GALNT1: variants seen among roughly 807,000 people sequenced by gnomAD.
GALNT1 encodes GalNAc transferase 1.
GALNT1 carries 17 observed loss-of-function variants against 65.7 expected under a neutral mutation model. That is an observed-to-expected ratio of 0.26 (90% CI 0.18 to 0.39). The LOEUF (loss-of-function observed/expected upper bound fraction) is 0.39. Among genes scored for constraint, GALNT1 ranks in the 10% least tolerant of loss-of-function variants. The pLI, the probability that GALNT1 is intolerant of heterozygous loss-of-function variation, is 1.00. For missense variants in GALNT1, 460 were observed against 672.8 expected, an observed-to-expected ratio of 0.68 and a Z score of 3.50; for synonymous variants, 210 against 219.7, an observed-to-expected ratio of 0.96 and a Z score of 0.39.
chr18:35,581,614 CG>C (rs1439860962), upstream of GALNT1: 34 of 55,878 alleles, frequency 6.1e-4, 1 homozygote, highest in African/African-American at 2.2e-3. Context: ...CCCGGAGTAG[CG>C]CCGCCCGAGC....
At chr18:35,607,631 A>T (rs1182060622) in intron 1 of GALNT1, among the ~76,000 whole-genome samples, 1 of 152,116 alleles carries the variant, frequency 6.6e-6, no homozygotes, top group Admixed American at 6.5e-5. Context: ...CTGGGATCTT[A>T]GTTGTTCTAA....
intron 1 of GALNT1, among the ~76,000 whole-genome samples, chr18:35,621,825 A>G (rs1043491580): frequency 6.6e-6 from 1 of 152,172 alleles, no homozygotes; most frequent in African/African-American, 2.4e-5. Context: ...ATGAACATTT[A>G]TTGAATAGCC....
intron 1 of GALNT1, among the ~76,000 whole-genome samples, chr18:35,588,451 T>C (rs1421005265): frequency 6.6e-6 from 1 of 152,224 alleles, no homozygotes; most frequent in Non-Finnish European, 1.5e-5. Context: ...TTCACTCAGA[T>C]TCCTAAATCT....
chr18:35,582,244 GAC>G (rs1392803594), intron 1 of GALNT1, among the ~76,000 whole-genome samples: 1 of 152,190 alleles, frequency 6.6e-6, no homozygotes, highest in African/African-American at 2.4e-5. Flanking sequence ...GGGAGGGGAA[GAC>G]ACGCCGGCAG....
chr18:35,655,556 T>C (rs1568025274), intron 2 of GALNT1, among the ~76,000 whole-genome samples: 1 of 151,568 alleles, frequency 6.6e-6, no homozygotes, highest in Non-Finnish European at 1.5e-5. Context: ...CAAGAGTCAG[T>C]AATCCAGTTG....
intron 1 of GALNT1, among the ~76,000 whole-genome samples, chr18:35,633,297 A>G (rs2047042934): frequency 1.3e-5 from 2 of 152,328 alleles, no homozygotes; most frequent in South Asian, 4.1e-4. Context: ...ACCAACCCAC[A>G]TGTCCAACAA....
At chr18:35,616,036 T>A (rs1321606075) in intron 1 of GALNT1, among the ~76,000 whole-genome samples, 1 of 152,190 alleles carries the variant, frequency 6.6e-6, no homozygotes, top group African/African-American at 2.4e-5. Flanking sequence ...CCCATAAAAT[T>A]TTATTTACAA....
intron 1 of GALNT1, among the ~76,000 whole-genome samples, chr18:35,627,855 G>C (rs921655498): frequency 6.6e-6 from 1 of 152,106 alleles, no homozygotes; most frequent in Non-Finnish European, 1.5e-5. Flanking sequence ...CTGGAACATC[G>C]GGTCACTCCC....
chr18:35,686,543 G>A (rs2144628070), intron 5 of GALNT1, among the ~76,000 whole-genome samples: 1 of 152,230 alleles, frequency 6.6e-6, no homozygotes, highest in South Asian at 2.1e-4. Flanking sequence ...CTAGAAACCA[G>A]CTCATTTTTG....
intron 1 of GALNT1, among the ~76,000 whole-genome samples, chr18:35,627,063 T>TG (rs1445714064): frequency 3.3e-5 from 5 of 152,140 alleles, no homozygotes; most frequent in Admixed American, 6.5e-5. Flanking sequence ...CAATGAAAAA[T>TG]GTCAAGGTTG....
At chr18:35,635,645 A>T (rs571396109) in intron 1 of GALNT1, among the ~76,000 whole-genome samples, 1 of 152,314 alleles carries the variant, frequency 6.6e-6, no homozygotes, top group South Asian at 2.1e-4. Context: ...AATGCTAGAT[A>T]TACTCTTTAG....
intron 3 of GALNT1, among the ~76,000 whole-genome samples, chr18:35,675,577 T>A: frequency 6.6e-6 from 1 of 152,250 alleles, no homozygotes; most frequent in Non-Finnish European, 1.5e-5. Flanking sequence ...ACTTCTCTTC[T>A]GCAGAACCTG....
intron 3 of GALNT1, among the ~76,000 whole-genome samples, chr18:35,672,872 A>G (rs1444408229): frequency 1.3e-5 from 2 of 152,118 alleles, no homozygotes; most frequent in Admixed American, 6.5e-5. Flanking sequence ...GTCATATTCA[A>G]ACAGTTGGGC....
intron 1 of GALNT1, among the ~76,000 whole-genome samples, chr18:35,652,526 A>G (rs938219522): frequency 3.3e-5 from 5 of 152,062 alleles, no homozygotes; most frequent in Admixed American, 6.6e-5. Context: ...TTTTCACATC[A>G]GACCCAGTTA....
intron 1 of GALNT1, among the ~76,000 whole-genome samples, chr18:35,625,165 A>T (rs1177480801): frequency 6.6e-6 from 1 of 152,180 alleles, no homozygotes; most frequent in Non-Finnish European, 1.5e-5. Flanking sequence ...CATAATTCCC[A>T]TGCTGGGGAT....
chr18:35,692,227 A>G lies in GALNT1; in HGVS notation c.1206A>G (p.Leu402=), dbSNP rs751122403. 5 of 1,610,806 alleles carry G rather than the reference A, an allele frequency of 3.1e-6. No individual in the cohort carries two copies. The highest frequency in any genetic ancestry group is 1.1e-5 in the South Asian group (1 of 90,968). The change falls in exon 9 of 12, where the codon CTA becomes CTG. Residue 402 remains leucine (L), a synonymous_variant. Coordinates refer to ENST00000269195, the MANE Select transcript of GALNT1 (RefSeq NM_020474.4). ...DYGDISSRVG[L]RHKLQCKPFS... is the part of the protein sequence containing the mutation. ...GAGATATATCGTCAAGAGTTGGTCT[A>G]AGACACAAACTACAATGCAAACCTT...
At chr18:35,582,894 C>T (rs1372496509) in intron 1 of GALNT1, among the ~76,000 whole-genome samples, 1 of 152,212 alleles carries the variant, frequency 6.6e-6, no homozygotes, top group Non-Finnish European at 1.5e-5. Context: ...CCACTAACCA[C>T]ATGTGACTAT....
At chr18:35,664,648 CACTCCT>C (rs1429857488) in intron 3 of GALNT1, 1 of 152,208 alleles carries the variant, frequency 6.6e-6, no homozygotes, top group Non-Finnish European at 1.5e-5. Context: ...TACCAATTTA[CACTCCT>C]ATCAGCAATA....
At chr18:35,601,714 TG>T (rs1161842728) in intron 1 of GALNT1, among the ~76,000 whole-genome samples, 3 of 152,180 alleles carry the variant, frequency 2.0e-5, no homozygotes, top group African/African-American at 7.2e-5. Flanking sequence ...GCCTGCCAGA[TG>T]GTCTGTCCTG....
Sources: allele counts gnomAD v4.1 joint callset (sites outside exome capture counted in the v4.1 genomes callset), GRCh38; gene constraint gnomAD v4.1.1; transcripts MANE v1.5; gene names NCBI Gene and HGNC (gene_info 2026-07-23, HGNC 2026-07-21).